The following ITGA9 variants were observed in gnomAD, a reference collection of about 807,000 sequenced individuals.
The protein encoded by ITGA9 is integrin subunit alpha 9.
Under a neutral mutation model 127.8 loss-of-function variants are expected in ITGA9, and 56 were observed. The observed-to-expected ratio is 0.44, with a 90% confidence interval of 0.35 to 0.55. ITGA9 has a LOEUF of 0.55. Ranked by LOEUF, ITGA9 falls within the 20% of genes least tolerant of loss-of-function variation. The pLI, the probability that ITGA9 is intolerant of heterozygous loss-of-function variation, is 0.00. For synonymous variants in ITGA9, 508 were observed against 514.5 expected, an observed-to-expected ratio of 0.99 and a Z score of 0.17; for missense variants, 1,196 against 1,347.1, an observed-to-expected ratio of 0.89 and a Z score of 1.76.
At chr3:37,775,784 G>A (rs995865913) in intron 23 of ITGA9, among the ~76,000 whole-genome samples, 3 of 152,096 alleles carry the variant, frequency 2.0e-5, no homozygotes, top group African/African-American at 7.2e-5. Flanking sequence ...TCCTCAAAGA[G>A]CTAAAAGCAG....
intron 18 of ITGA9, among the ~76,000 whole-genome samples, chr3:37,715,583 A>T (rs556381151): frequency 1.3e-5 from 2 of 152,354 alleles, no homozygotes; most frequent in African/African-American, 4.8e-5. Flanking sequence ...AATGGTAATT[A>T]AATGAGTCCA....
rs112298947 is a variant in ITGA9, at chr3:37,629,779, C to A, written c.1839+443C>A. ...TTACAGAATGCTCAACCCAAGAGTC[C>A]CTGGAAACCAGAGCACTGGGGCAAG... On this transcript the variant is annotated intron_variant, in intron 16 of 27. Coordinates refer to ENST00000264741, the MANE Select transcript of ITGA9 (RefSeq NM_002207.3). This position sits in a 1 kb window ranked among gnomAD's most constrained non-coding sequence, Gnocchi z 4.5. Among the ~76,000 whole-genome samples the A allele has an allele frequency of 2.6e-5, 4 of 152,232 alleles. No homozygotes were observed. Among genetic ancestry groups the A allele is most frequent in the African/African-American group, 9.6e-5 (4 of 41,536 alleles).
intron 15 of ITGA9, among the ~76,000 whole-genome samples, chr3:37,572,483 A>G (rs374963368): frequency 2.6e-5 from 4 of 152,258 alleles, no homozygotes; most frequent in South Asian, 4.1e-4. Context: ...ACCTCCCTGC[A>G]CTTCAATTTC....
chr3:37,682,157 C>T (rs554763267), intron 17 of ITGA9, among the ~76,000 whole-genome samples: 1 of 152,318 alleles, frequency 6.6e-6, no homozygotes, highest in Admixed American at 6.5e-5. Context: ...AGCTACCATC[C>T]AATTTCTCTG....
At chr3:37,705,747 T>C (rs1700997423) in intron 18 of ITGA9, among the ~76,000 whole-genome samples, 1 of 152,216 alleles carries the variant, frequency 6.6e-6, no homozygotes, top group Admixed American at 6.5e-5. Context: ...ACCATTTTAT[T>C]TTTCTTGTGC....
At chr3:37,591,850 T>C (rs1699823829) in intron 15 of ITGA9, among the ~76,000 whole-genome samples, 1 of 152,216 alleles carries the variant, frequency 6.6e-6, no homozygotes, top group Non-Finnish European at 1.5e-5. Context: ...GCCTTGGGTT[T>C]CTCCTCAGAA....
intron 15 of ITGA9, among the ~76,000 whole-genome samples, chr3:37,590,737 G>A (rs1376163051): frequency 6.6e-6 from 1 of 151,488 alleles, no homozygotes; most frequent in African/African-American, 2.5e-5. Flanking sequence ...AGTGGGGGAT[G>A]GATGAGGGCT....
At chr3:37,491,288 TGTAAGG>T (rs1194631414) in intron 4 of ITGA9, among the ~76,000 whole-genome samples, 4 of 152,132 alleles carry the variant, frequency 2.6e-5, no homozygotes, top group African/African-American at 9.7e-5. Flanking sequence ...CTTCCCCAAA[TGTAAGG>T]GTTAGGTTTG....
intron 17 of ITGA9, among the ~76,000 whole-genome samples, chr3:37,660,026 T>A (rs1700518540): frequency 6.6e-6 from 1 of 151,116 alleles, no homozygotes; most frequent in Admixed American, 6.6e-5. Flanking sequence ...ACACAAATAG[T>A]CCTCCAAACC....
chr3:37,497,610 A>G, intron 5 of ITGA9, among the ~76,000 whole-genome samples: 1 of 152,326 alleles, frequency 6.6e-6, no homozygotes, highest in South Asian at 2.1e-4. Context: ...TTATTTTTCT[A>G]AATATATAGT....
intron 15 of ITGA9, among the ~76,000 whole-genome samples, chr3:37,549,585 A>G (rs1699360496): frequency 6.6e-6 from 1 of 152,216 alleles, no homozygotes; most frequent in Non-Finnish European, 1.5e-5. Flanking sequence ...TAACACTGGT[A>G]TTCTTTGAAG....
At chr3:37,650,792 A>G (rs1053717362) in intron 16 of ITGA9, among the ~76,000 whole-genome samples, 1 of 149,258 alleles carries the variant, frequency 6.7e-6, no homozygotes, top group Non-Finnish European at 1.5e-5. Context: ...ACTCAGTCAC[A>G]CTGTTGTCGC....
intron 15 of ITGA9, among the ~76,000 whole-genome samples, chr3:37,615,475 C>T (rs1017042446): frequency 3.9e-5 from 6 of 152,156 alleles, no homozygotes; most frequent in Non-Finnish European, 7.3e-5. Context: ...ATGATGCTGG[C>T]CTCATAAAAT....
At position 37,497,223 on chromosome 3, in the gene ITGA9, A is replaced by C. The variant is rs554320145; in HGVS notation, c.612+2655A>C. On this transcript the variant is annotated intron_variant, in intron 5 of 27. Coordinates refer to ENST00000264741, the MANE Select transcript of ITGA9 (RefSeq NM_002207.3). The stretch of plus-strand genomic sequence containing the variant: ...TCAACAGTAATCTCTTACCTGATCT[A>C]TGTGTTGCAAATTTTTTCATCAGCC... 4.9e-4 allele frequency among the ~76,000 whole-genome samples: 75 copies of C among 151,970 alleles called. 1 individual carries two copies. In the Middle Eastern group the frequency reaches 0.01, roughly 21 times the overall value.
intron 18 of ITGA9, among the ~76,000 whole-genome samples, chr3:37,690,194 G>A (rs1700818105): frequency 2.6e-5 from 4 of 152,168 alleles, no homozygotes; most frequent in Admixed American, 2.6e-4. Flanking sequence ...TTATTTGGCT[G>A]GTGAAGGAGG....
intron 5 of ITGA9, among the ~76,000 whole-genome samples, chr3:37,496,030 C>T (rs1023730411): frequency 1.3e-5 from 2 of 152,070 alleles, no homozygotes; most frequent in Non-Finnish European, 2.9e-5. Flanking sequence ...GGGCATGGGA[C>T]ATGGGGGGTG....
intron 16 of ITGA9, among the ~76,000 whole-genome samples, chr3:37,648,241 C>T (rs1255052754): frequency 1.3e-5 from 2 of 152,116 alleles, no homozygotes; most frequent in Non-Finnish European, 2.9e-5. Flanking sequence ...GGTGATATTT[C>T]ATTGTGACTT....
intron 6 of ITGA9, 52 bp from the exon 7 acceptor site, chr3:37,505,948 T>C (rs996540264): frequency 3.7e-5 from 47 of 1,285,332 alleles, no homozygotes; most frequent in African/African-American, 7.3e-5. Flanking sequence ...TGTTTTTTTT[T>C]CCCTTCCCTT....
At chr3:37,526,958 G>T (rs1699099669) in intron 13 of ITGA9, among the ~76,000 whole-genome samples, 1 of 152,202 alleles carries the variant, frequency 6.6e-6, no homozygotes, top group South Asian at 2.1e-4. Flanking sequence ...GAACCAGCTT[G>T]CCCCGGGTAA....
Sources: allele counts gnomAD v4.1 joint callset (sites outside exome capture counted in the v4.1 genomes callset), GRCh38; gene constraint gnomAD v4.1.1; non-coding constraint Gnocchi (gnomAD v3.1); transcripts MANE v1.5; gene names NCBI Gene and HGNC (gene_info 2026-07-23, HGNC 2026-07-21).